The following KIF26B variants were observed in gnomAD, a reference collection of about 807,000 sequenced individuals.
KIF26B encodes the protein kinesin family member 26B.
KIF26B carries 63 observed loss-of-function variants against 151.2 expected under a neutral mutation model. The observed-to-expected ratio is 0.42, with a 90% CI of 0.34 to 0.51. The LOEUF (loss-of-function observed/expected upper bound fraction) is 0.51, where lower values mean the gene tolerates loss of function less well. KIF26B is among the 20% of genes least tolerant of loss of function. KIF26B has a pLI of 0.07. For synonymous variants in KIF26B, 1,357 were observed against 1,262.1 expected (o/e 1.08, Z -1.59); for missense variants, 2,813 against 2,913.6 (o/e 0.97, Z 0.79).
chr1:245,212,394 G>T (rs1005560040), intron 2 of KIF26B, among the ~76,000 whole-genome samples: 1 of 152,170 alleles, frequency 6.6e-6, no homozygotes. Flanking sequence ...CACGTGATGG[G>T]CGCAAACCCC....
At chr1:245,456,861 A>G (rs754991465) in intron 4 of KIF26B, among the ~76,000 whole-genome samples, 3 of 151,914 alleles carry the variant, frequency 2.0e-5, no homozygotes, top group Admixed American at 6.6e-5. Context: ...TTTTATTTTT[A>G]TTTATTTGTT....
chr1:245,587,200 A>T (rs2043237383), intron 5 of KIF26B, among the ~76,000 whole-genome samples: 1 of 152,152 alleles, frequency 6.6e-6, no homozygotes, highest in Non-Finnish European at 1.5e-5. Context: ...CTCATCCATG[A>T]ACATATTTAT....
At chr1:245,546,231 T>G (rs1481042810) in intron 5 of KIF26B, among the ~76,000 whole-genome samples, 1 of 152,234 alleles carries the variant, frequency 6.6e-6, no homozygotes, top group African/African-American at 2.4e-5. Context: ...TTTTTTGTTT[T>G]TTGAGTCAGA....
intron 12 of KIF26B, among the ~76,000 whole-genome samples, chr1:245,691,810 G>A (rs927075486): frequency 1.3e-5 from 2 of 152,152 alleles, no homozygotes; most frequent in Non-Finnish European, 2.9e-5. Flanking sequence ...CAGCAGAAAC[G>A]ACCAAATATC....
chr1:245,666,712 C>T (rs2044219568), intron 10 of KIF26B, among the ~76,000 whole-genome samples: 1 of 151,916 alleles, frequency 6.6e-6, no homozygotes, highest in Non-Finnish European at 1.5e-5. Flanking sequence ...TTTTTACATG[C>T]CAGAGGTATT....
intron 14 of KIF26B, among the ~76,000 whole-genome samples, chr1:245,701,941 T>G (rs898921952): frequency 5.9e-5 from 9 of 152,200 alleles, no homozygotes; most frequent in African/African-American, 2.2e-4. Flanking sequence ...AGATACCTGC[T>G]CTTCAGGCCT....
intron 2 of KIF26B, among the ~76,000 whole-genome samples, chr1:245,308,030 A>G (rs139856454): frequency 7.9e-4 from 120 of 152,248 alleles, no homozygotes; most frequent in African/African-American, 2.8e-3. Context: ...ACCATTTTCT[A>G]TTTCAAAACT....
Position 245,611,952 on chromosome 1 carries a change from A to G in KIF26B, c.2074A>G (p.Met692Val). ...CACACTGCACATCTACCAGTACCGG[A>G]TGGAGAAGAGCGGGAAAGGGGGAAG... is the stretch of plus-strand genomic sequence containing the variant. ...FFTLHIYQYR[M>V]EKSGKGGMSG... Residue 692 changes from methionine to valine, a missense_variant, in exon 9 of 15, where the codon ATG becomes GTG. Physicochemically the swap from Met to Val is conservative, Grantham distance 21. Coordinates refer to ENST00000407071, the MANE Select transcript of KIF26B (RefSeq NM_018012.4). 1.2e-6 allele frequency: 2 copies of G among 1,613,124 alleles called. No individual in the cohort carries two copies. Among genetic ancestry groups the G allele is most frequent in the Non-Finnish European group, 1.7e-6 (2 of 1,179,354 alleles).
Position 245,667,103 on chromosome 1 carries a change from ATC to A in KIF26B, c.2259-17124_2259-17123del, listed in dbSNP as rs145424324. Reference sequence around the variant, plus strand: ...TAGGATGTGATGGGAGGCTGAAAGCATCTCTCTGCTGTGACGTAGGAGGGACC... The same window carrying A: ...TAGGATGTGATGGGAGGCTGAAAGCATCTCTGCTGTGACGTAGGAGGGACC... On this transcript the variant is annotated intron_variant, in intron 10 of 14. Coordinates refer to ENST00000407071, the MANE Select transcript of KIF26B (RefSeq NM_018012.4). This position sits in a 1 kb window ranked among gnomAD's most constrained non-coding sequence, Gnocchi z 4.3. Among the ~76,000 whole-genome samples the A allele has an allele frequency of 0.054, 8,225 of 152,228 alleles. 657 individuals are homozygous for A. Among genetic ancestry groups the A allele is most frequent in the African/African-American group, 0.17 (7,069 of 41,496 alleles).
At chr1:245,520,749 T>A (rs1661083240) in intron 4 of KIF26B, among the ~76,000 whole-genome samples, 1 of 152,184 alleles carries the variant, frequency 6.6e-6, no homozygotes, top group African/African-American at 2.4e-5. Flanking sequence ...CTCATGGAAC[T>A]TACATCAGAA....
At chr1:245,491,735 C>T (rs1660413308) in intron 4 of KIF26B, among the ~76,000 whole-genome samples, 1 of 152,124 alleles carries the variant, frequency 6.6e-6, no homozygotes, top group Admixed American at 6.5e-5. Flanking sequence ...TAGTGAAACC[C>T]CATCTCTACT....
At chr1:245,483,043 T>C (rs12076518) in intron 4 of KIF26B, among the ~76,000 whole-genome samples, 5,328 of 151,774 alleles carry the variant, frequency 0.035, 276 homozygotes, top group African/African-American at 0.1. Flanking sequence ...CTCACACTCC[T>C]GGGCATCATT....
intron 10 of KIF26B, among the ~76,000 whole-genome samples, chr1:245,679,466 T>G (rs1351619499): frequency 4.0e-5 from 5 of 125,204 alleles, no homozygotes; most frequent in Non-Finnish European, 6.4e-5. Flanking sequence ...TGTTTTTTTT[T>G]TTTTTTTTTT....
intron 10 of KIF26B, among the ~76,000 whole-genome samples, chr1:245,666,626 C>T (rs2044218304): frequency 6.6e-6 from 1 of 152,060 alleles, no homozygotes; most frequent in Admixed American, 6.6e-5. Context: ...GTAACAAGAC[C>T]TCCCAAAGGC....
At chr1:245,379,637 AATT>A (rs1673357134) in intron 3 of KIF26B, among the ~76,000 whole-genome samples, 1 of 151,934 alleles carries the variant, frequency 6.6e-6, no homozygotes, top group Non-Finnish European at 1.5e-5. Flanking sequence ...TTTCTTTTAA[AATT>A]ATTATATAAT....
At chr1:245,261,912 A>G (rs1413937378) in intron 2 of KIF26B, among the ~76,000 whole-genome samples, 1 of 152,116 alleles carries the variant, frequency 6.6e-6, no homozygotes. Context: ...TGGTTTTCAC[A>G]TGCAGAAGCC....
At chr1:245,317,153 A>C (rs958456292) in intron 2 of KIF26B, among the ~76,000 whole-genome samples, 37 of 152,336 alleles carry the variant, frequency 2.4e-4, no homozygotes, top group African/African-American at 8.2e-4. Context: ...TCCTGTTTTC[A>C]ATTCTCTATC....
At chr1:245,581,078 G>A (rs960675179) in intron 5 of KIF26B, among the ~76,000 whole-genome samples, 2 of 152,228 alleles carry the variant, frequency 1.3e-5, no homozygotes, top group East Asian at 1.9e-4. Context: ...GGACACAATG[G>A]CACAGGAAGA....
At chr1:245,261,477 C>T (rs1259433315) in intron 2 of KIF26B, among the ~76,000 whole-genome samples, 4 of 44,884 alleles carry the variant, frequency 8.9e-5, no homozygotes, top group African/African-American at 5.0e-4. Context: ...TTCTCTCTCT[C>T]TCTCTCTCTC....
Sources: gnomAD v4.1 joint callset for allele counts (sites outside exome capture counted in the v4.1 genomes callset) on GRCh38, gnomAD v4.1.1 for gene constraint, Gnocchi (gnomAD v3.1) non-coding constraint, MANE v1.5 for transcripts, NCBI Gene and HGNC (gene_info 2026-07-23, HGNC 2026-07-21) for gene names.